Variants in FGL1 observed in about 807,000 individuals in gnomAD.
FGL1 encodes the protein fibrinogen like 1, also known as fibrinogen-like protein 1.
In FGL1, 59 loss-of-function variants were observed where a neutral mutation model predicts 43.7. The observed-to-expected ratio is 1.35, with a 90% CI of 1.10 to 1.68. The LOEUF (loss-of-function observed/expected upper bound fraction) is 1.68, where lower values mean the gene tolerates loss of function less well. FGL1 is among the 40% of genes most tolerant of loss of function. The probability of loss-of-function intolerance (pLI) is 0.00; values close to 1 mark genes in which losing one functional copy is unlikely to be tolerated. For synonymous variants in FGL1, 192 were observed against 126.5 expected (o/e 1.52, Z -3.48); for missense variants, 596 against 373.0 (o/e 1.60, Z -4.92).
intron 3 of FGL1, among the ~76,000 whole-genome samples, chr8:17,875,543 T>TTCTTTCTTTCTTTCTCTTTCTG (rs2053439428): frequency 5.9e-5 from 1 of 16,828 alleles, no homozygotes; most frequent in Non-Finnish European, 1.7e-4. Flanking sequence ...TTCTCTTTCT[T>TTCTTTCTTTCTTTCTCTTTCTG]TCTTTCTTTC....
chr8:17,882,386 C>T (rs1268578749), intron 2 of FGL1: 2 of 451,850 alleles, frequency 4.4e-6, no homozygotes, highest in African/African-American at 4.0e-5. Flanking sequence ...AACTCCTGGA[C>T]TCAAAAGATC....
chr8:17,890,766 T>A (rs903770101), intron 1 of FGL1, among the ~76,000 whole-genome samples: 14 of 152,116 alleles, frequency 9.2e-5, no homozygotes, highest in Non-Finnish European at 1.6e-4. Context: ...AGCAAACATG[T>A]CCTTCTTCAC....
chr8:17,872,302 T>TTTATTATTA (rs10528958), intron 5 of FGL1, among the ~76,000 whole-genome samples: 37 of 146,846 alleles, frequency 2.5e-4, no homozygotes, highest in East Asian at 1.4e-3. Context: ...TCTTAATTAC[T>TTTATTATTA]TTATTATTAT....
intron 2 of FGL1, among the ~76,000 whole-genome samples, chr8:17,883,062 G>A (rs868665431): frequency 2.0e-3 from 143 of 73,000 alleles, no homozygotes; most frequent in Admixed American, 2.5e-3. Context: ...TATATCATAT[G>A]TAATATATTA....
At chr8:17,870,739 C>G (rs1031439684) in intron 5 of FGL1, among the ~76,000 whole-genome samples, 1 of 152,036 alleles carries the variant, frequency 6.6e-6, no homozygotes, top group Admixed American at 6.5e-5. Context: ...AACCCTGTCT[C>G]TATTAAAAAT....
At chr8:17,869,825 A>G (rs139809957) in intron 5 of FGL1, among the ~76,000 whole-genome samples, 32 of 152,320 alleles carry the variant, frequency 2.1e-4, no homozygotes, top group African/African-American at 7.2e-4. Context: ...TAAGAATGCA[A>G]TGGGGCCGGG....
chr8:17,894,139 AT>A (rs2053744474), intron 1 of FGL1, among the ~76,000 whole-genome samples: 2 of 147,456 alleles, frequency 1.4e-5, no homozygotes, highest in East Asian at 3.9e-4. Flanking sequence ...ATAATATATA[AT>A]TTTTAAAAAC....
intron 3 of FGL1, among the ~76,000 whole-genome samples, chr8:17,879,916 A>G (rs2427730): frequency 0.2 from 30,340 of 152,032 alleles, 4,225 homozygotes; most frequent in African/African-American, 0.39. Flanking sequence ...GAATGTGTTC[A>G]AATAGAAACC....
chr8:17,894,444 T>TG (rs1444999432), intron 1 of FGL1, among the ~76,000 whole-genome samples: 4 of 147,412 alleles, frequency 2.7e-5, no homozygotes, highest in African/African-American at 1.1e-4. Flanking sequence ...TGTGCTTTTG[T>TG]ATTTTTCTTA....
At position 17,891,614 on chromosome 8, in the gene FGL1, A is replaced by G. The variant is rs2053706145; in HGVS notation, c.-18+3833T>C. The G allele has an allele frequency of 3.4e-6, 3 of 894,514 alleles. No individual in the cohort carries two copies. In the South Asian group the frequency reaches 1.5e-4, roughly 46 times the overall value. 55.4% of individuals were successfully genotyped at this position (894,514 alleles called of 1,614,324 possible). A position where few individuals can be genotyped will look rare whatever the true frequency, so the allele number is the denominator to read the frequency against. Reference sequence around the variant, plus strand: ...TTAGGAATGTACATGTTTTGGGGGCACAGCTGAACCTAGCACAGGTACTCG... The same window carrying G: ...TTAGGAATGTACATGTTTTGGGGGCGCAGCTGAACCTAGCACAGGTACTCG... On this transcript the variant is annotated intron_variant, in intron 1 of 7. Coordinates refer to ENST00000427924, the MANE Select transcript of FGL1 (RefSeq NM_004467.4).
intron 3 of FGL1, among the ~76,000 whole-genome samples, chr8:17,877,955 C>T (rs1185841291): frequency 1.3e-5 from 2 of 152,072 alleles, no homozygotes; most frequent in East Asian, 1.9e-4. Context: ...TATATTAACT[C>T]ATTTTATTTT....
At chr8:17,882,750 T>C (rs2053556960) in intron 2 of FGL1, 1 of 117,582 alleles carries the variant, frequency 8.5e-6, no homozygotes, top group Admixed American at 9.1e-5. Flanking sequence ...ATATATAATA[T>C]ATATAATATA....
intron 3 of FGL1, among the ~76,000 whole-genome samples, chr8:17,878,014 T>C (rs2053481765): frequency 6.6e-6 from 1 of 152,196 alleles, no homozygotes; most frequent in Non-Finnish European, 1.5e-5. Context: ...CCAGGCAGGT[T>C]GTAGTGCAGT....
At chr8:17,879,991 G>A (rs750131273) in intron 3 of FGL1, among the ~76,000 whole-genome samples, 20 of 152,118 alleles carry the variant, frequency 1.3e-4, no homozygotes, top group East Asian at 9.6e-4. Context: ...CGAGTTCCTC[G>A]CCCTTGAGAT....
chr8:17,871,624 T>G (rs1399147708), intron 5 of FGL1, among the ~76,000 whole-genome samples: 1 of 152,238 alleles, frequency 6.6e-6, no homozygotes, highest in Non-Finnish European at 1.5e-5. Flanking sequence ...TCAATTTTAT[T>G]GCCACTACTT....
chr8:17,874,359 C>T lies in FGL1; in HGVS notation c.404+3G>A, dbSNP rs200686011. 19 of 1,610,822 alleles carry T rather than the reference C, an allele frequency of 1.2e-5. No homozygotes were observed. In the East Asian group the frequency reaches 2.5e-4, roughly 21 times the overall value. On this transcript the variant is annotated splice_donor_region_variant and intron_variant, in intron 4 of 7. Transcript: ENST00000427924. ...ATAAAGTCTTACATCATAATTAGCA[C>T]ACCTGTTAAAGTTTTCACTGCCATC...
chr8:17,869,805 G>C (rs989297731), intron 5 of FGL1, among the ~76,000 whole-genome samples: 6 of 152,160 alleles, frequency 3.9e-5, no homozygotes, highest in African/African-American at 1.4e-4. Context: ...ATCTACATGT[G>C]AAAGCATTTT....
chr8:17,869,610 A>C (rs923735119), intron 5 of FGL1, among the ~76,000 whole-genome samples: 1 of 152,248 alleles, frequency 6.6e-6, no homozygotes, highest in African/African-American at 2.4e-5. Flanking sequence ...TCATAAGATC[A>C]AGAGACTCTT....
At chr8:17,884,077 C>A (rs1309127443) in intron 2 of FGL1, among the ~76,000 whole-genome samples, 4 of 143,238 alleles carry the variant, frequency 2.8e-5, no homozygotes, top group Non-Finnish European at 6.0e-5. Flanking sequence ...TCCTTTCTTT[C>A]TCCTTCCCTC....
Sources: allele counts gnomAD v4.1 joint callset (sites outside exome capture counted in the v4.1 genomes callset), GRCh38; gene constraint gnomAD v4.1.1; transcripts MANE v1.5; gene names NCBI Gene and HGNC (gene_info 2026-07-23, HGNC 2026-07-21).